THSD7B: variants seen among roughly 807,000 people sequenced by gnomAD.
The protein encoded by THSD7B is thrombospondin type-1 domain-containing protein 7B.
A neutral mutation model predicts 213.6 loss-of-function variants in THSD7B; 138 were observed. The observed-to-expected ratio is 0.65, with a 90% CI of 0.56 to 0.74. THSD7B has a LOEUF of 0.74. Among genes scored for constraint, THSD7B ranks in the 30% least tolerant of loss-of-function variants. The probability of loss-of-function intolerance (pLI) is 0.00; values close to 1 mark genes in which losing one functional copy is unlikely to be tolerated. For synonymous variants in THSD7B, 742 were observed against 687.0 expected (o/e 1.08, Z -1.25); for missense variants, 1,931 against 1,991.5 (o/e 0.97, Z 0.58).
At chr2:136,975,044 G>GTTTTTTTTTTTTTTTTT (rs144154932) in intron 2 of THSD7B, among the ~76,000 whole-genome samples, 1 of 134,844 alleles carries the variant, frequency 7.4e-6, no homozygotes, top group Non-Finnish European at 1.6e-5. Flanking sequence ...TTAATGGTTT[G>GTTTTTTTTTTTTTTTTT]TTTTTTTTTT....
intron 2 of THSD7B, chr2:136,990,984 T>G: frequency 7.7e-7 from 1 of 1,292,976 alleles, no homozygotes; most frequent in South Asian, 1.2e-5. Context: ...AACTATCACA[T>G]CGTCTCTGCT....
At chr2:137,242,403 T>C (rs979306572) in intron 9 of THSD7B, 54 bp from the exon 10 acceptor site, 2 of 1,403,994 alleles carry the variant, frequency 1.4e-6, no homozygotes, top group African/African-American at 1.4e-5. Flanking sequence ...TAGTTCTGCG[T>C]TCAACGGCTT....
intron 3 of THSD7B, among the ~76,000 whole-genome samples, chr2:137,071,297 T>A (rs1687483576): frequency 6.6e-6 from 1 of 152,232 alleles, no homozygotes; most frequent in Non-Finnish European, 1.5e-5. Context: ...TTTGCATTTC[T>A]CTGATGGCCA....
chr2:137,616,182 A>G lies in THSD7B; in HGVS notation c.3431A>G (p.Asp1144Gly). 6.2e-7 allele frequency: 1 copy of G among 1,612,384 alleles called. No individual in the cohort carries two copies. The highest frequency in any genetic ancestry group is 8.5e-7 in the Non-Finnish European group (1 of 1,179,358). The change falls in exon 18 of 28, where the codon GAT becomes GGT. Residue 1144 changes from aspartate to glycine, a missense_variant. Coordinates refer to ENST00000409968, the MANE Select transcript of THSD7B (RefSeq NM_001316349.2). ...GLWSKCPQSC[D>G]PHTMQRRTRH... ...CTACTCTGATTTTAATAGTCATGCG[A>G]TCCCCACACAATGCAGAGAAGAACT...
At chr2:137,310,541 G>C (rs1326751022) in intron 12 of THSD7B, among the ~76,000 whole-genome samples, 1 of 150,780 alleles carries the variant, frequency 6.6e-6, no homozygotes, top group Non-Finnish European at 1.5e-5. Flanking sequence ...GGCTTTTGTT[G>C]CCATTGCTTT....
At chr2:136,950,344 G>A (rs1420401475) in intron 2 of THSD7B, among the ~76,000 whole-genome samples, 2 of 152,152 alleles carry the variant, frequency 1.3e-5, no homozygotes, top group Non-Finnish European at 1.5e-5. Flanking sequence ...ATGACAGGTT[G>A]ATAGGTGCAG....
chr2:137,030,291 T>C (rs1346148298), intron 2 of THSD7B, among the ~76,000 whole-genome samples: 1 of 152,206 alleles, frequency 6.6e-6, no homozygotes, highest in African/African-American at 2.4e-5. Context: ...ACAAATAGAT[T>C]TAAAGATGGT....
At chr2:136,933,057 C>T (rs1320514105) in intron 2 of THSD7B, among the ~76,000 whole-genome samples, 4 of 150,966 alleles carry the variant, frequency 2.6e-5, no homozygotes, top group African/African-American at 9.7e-5. Context: ...TAATATCAGA[C>T]TTGATTCCAG....
At chr2:137,052,843 C>A (rs1438152307) in intron 2 of THSD7B, among the ~76,000 whole-genome samples, 1 of 152,162 alleles carries the variant, frequency 6.6e-6, no homozygotes, top group Non-Finnish European at 1.5e-5. Context: ...CTGAGAACTG[C>A]AAATGGCTAT....
intron 7 of THSD7B, among the ~76,000 whole-genome samples, chr2:137,218,960 CT>C (rs1681307512): frequency 7.2e-6 from 1 of 139,792 alleles, no homozygotes; most frequent in Admixed American, 7.3e-5. Context: ...TATTGTCATA[CT>C]TTTTTTTCAA....
At chr2:136,911,176 A>G (rs969285092) in intron 2 of THSD7B, among the ~76,000 whole-genome samples, 3 of 152,124 alleles carry the variant, frequency 2.0e-5, no homozygotes, top group South Asian at 2.1e-4. Flanking sequence ...ACATACTACT[A>G]TTTTCTGTAA....
intron 12 of THSD7B, among the ~76,000 whole-genome samples, chr2:137,376,101 T>C (rs951095324): frequency 6.6e-6 from 1 of 152,236 alleles, no homozygotes; most frequent in African/African-American, 2.4e-5. Context: ...ATATCTTGAA[T>C]CTTTGCAGTT....
intron 14 of THSD7B, among the ~76,000 whole-genome samples, chr2:137,415,446 T>A (rs1283135925): frequency 5.9e-5 from 9 of 152,144 alleles, no homozygotes; most frequent in Admixed American, 5.2e-4. Context: ...ATTTATTTTT[T>A]AAAAAACTTT....
At chr2:136,791,854 T>TA (rs1681970311) in intron 1 of THSD7B, among the ~76,000 whole-genome samples, 1 of 152,066 alleles carries the variant, frequency 6.6e-6, no homozygotes, top group Non-Finnish European at 1.5e-5. Flanking sequence ...AACATTTATG[T>TA]AGTGTTTGTG....
Position 137,362,168 on chromosome 2 carries a change from C to T in THSD7B, c.2501-43445C>T, listed in dbSNP as rs1475336725. On this transcript the variant is annotated intron_variant, in intron 12 of 27. Transcript: ENST00000409968. ...AGTGAAGGAGAAATAAAATCCTTTA[C>T]AGACAAGCAAATGCTGAGAGATTTT... 3.3e-5 allele frequency among the ~76,000 whole-genome samples: 5 copies of T among 152,238 alleles called. No homozygotes were observed. The East Asian group carries it at 5.8e-4, about 18-fold the overall frequency.
intron 2 of THSD7B, among the ~76,000 whole-genome samples, chr2:137,054,451 A>G (rs1201332598): frequency 6.6e-6 from 1 of 152,086 alleles, no homozygotes; most frequent in Non-Finnish European, 1.5e-5. Flanking sequence ...TTAGAACCGG[A>G]CCCTTTTGTC....
rs138472020 is a variant in THSD7B, at chr2:137,481,093, G to A, written c.3138+30070G>A. Among the ~76,000 whole-genome samples the A allele has an allele frequency of 8.5e-4, 130 of 152,270 alleles. 1 individual carries two copies. Among genetic ancestry groups the A allele is most frequent in the African/African-American group, 2.6e-3 (110 of 41,546 alleles). On this transcript the variant is annotated intron_variant, in intron 15 of 27. Coordinates refer to ENST00000409968, the MANE Select transcript of THSD7B (RefSeq NM_001316349.2). Reference sequence around the variant, plus strand: ...AGCTGCCATCTTGGAAGCAGAGAACGACCTTTATCAGACACCAGACCTACC... The same window carrying A: ...AGCTGCCATCTTGGAAGCAGAGAACAACCTTTATCAGACACCAGACCTACC...
At chr2:137,280,176 T>C (rs1682973334) in intron 12 of THSD7B, among the ~76,000 whole-genome samples, 1 of 152,176 alleles carries the variant, frequency 6.6e-6, no homozygotes, top group East Asian at 1.9e-4. Context: ...GCCAACCTTA[T>C]ATTTTTTCCT....
At chr2:137,031,597 T>A (rs1686668376) in intron 2 of THSD7B, among the ~76,000 whole-genome samples, 1 of 152,084 alleles carries the variant, frequency 6.6e-6, no homozygotes, top group Admixed American at 6.6e-5. Flanking sequence ...TCATTTAATA[T>A]ATTCAAAAAG....
Sources: gnomAD v4.1 joint callset for allele counts (sites outside exome capture counted in the v4.1 genomes callset) on GRCh38, gnomAD v4.1.1 for gene constraint, MANE v1.5 for transcripts, NCBI Gene and HGNC (gene_info 2026-07-23, HGNC 2026-07-21) for gene names.